The following DNAH10 variants were observed in gnomAD, a reference collection of about 807,000 sequenced individuals.
The protein encoded by DNAH10 is dynein axonemal heavy chain 10.
DNAH10 carries 348 observed loss-of-function variants against 506.6 expected under a neutral mutation model. That is an observed-to-expected ratio of 0.69 (90% CI 0.63 to 0.75). The LOEUF (loss-of-function observed/expected upper bound fraction) is 0.75, where lower values mean the gene tolerates loss of function less well. DNAH10 is among the 30% of genes least tolerant of loss of function. DNAH10 has a pLI of 0.00. For missense variants in DNAH10, 5,179 were observed against 5,787.1 expected (o/e 0.89, Z 3.41); for synonymous variants, 2,059 against 2,198.6 (o/e 0.94, Z 1.78).
chr12:123,928,663 G>A lies in DNAH10; in HGVS notation c.12306+76G>A. The A allele has an allele frequency of 6.8e-7, 1 of 1,472,146 alleles. No homozygotes were observed. Among genetic ancestry groups the A allele is most frequent in the Non-Finnish European group, 9.1e-7 (1 of 1,094,986 alleles). The allele number at this position is 1,472,146 out of a possible 1,614,324, so 91.2% of individuals were successfully genotyped here. A position where few individuals can be genotyped will look rare whatever the true frequency, so the allele number is the denominator to read the frequency against. On this transcript the variant is annotated intron_variant, in intron 70 of 78. Coordinates refer to ENST00000673944, the MANE Select transcript of DNAH10 (RefSeq NM_001372106.1). The surrounding 1 kb of genome is among the most constrained non-coding windows in gnomAD (Gnocchi z 4.9). Reference sequence around the variant, plus strand: ...ACCTGCATGCTGCTCTGGGGCCGGGGTGTGCCTTTGTCTGTGTAGAAATAA... The same window carrying A: ...ACCTGCATGCTGCTCTGGGGCCGGGATGTGCCTTTGTCTGTGTAGAAATAA...
intron 5 of DNAH10, among the ~76,000 whole-genome samples, chr12:123,776,953 C>A (rs193271743): frequency 6.6e-6 from 1 of 152,012 alleles, no homozygotes; most frequent in Non-Finnish European, 1.5e-5. Context: ...AAAATGAAGC[C>A]AGATAGGAAA....
At position 123,793,915 on chromosome 12, in the gene DNAH10, A is replaced by C. The variant is rs79198196; in HGVS notation, c.1816-27A>C. On this transcript the variant is annotated intron_variant, in intron 11 of 78. Coordinates refer to ENST00000673944, the MANE Select transcript of DNAH10 (RefSeq NM_001372106.1). ...TTGGCAGGATAATTACAGGGGCATG[A>C]GGGTTGTTTTGTTGATTTTTTTGCA... The C allele has an allele frequency of 9.0e-4, 1,065 of 1,178,788 alleles. 5 individuals are homozygous for C. The African/African-American group carries it at 0.015, about 17-fold the overall frequency. 73.0% of individuals were successfully genotyped at this position (1,178,788 alleles called of 1,614,324 possible).
At chr12:123,859,071 G>A in intron 37 of DNAH10, 79 bp from the exon 38 acceptor site, 2 of 1,282,400 alleles carry the variant, frequency 1.6e-6, no homozygotes, top group Non-Finnish European at 2.2e-6. Context: ...AAATTGTATG[G>A]CGTGTGTGTT....
rs1048520244 is a variant in DNAH10, at chr12:123,902,224, C to T, written c.9641-715C>T. ...TTGGATTTAGGGCCCACCCTCACCC[C>T]GTATGACCTAATCTTAACTAATTCC... On this transcript the variant is annotated intron_variant, in intron 56 of 78. Coordinates refer to ENST00000673944, the MANE Select transcript of DNAH10 (RefSeq NM_001372106.1). This position sits in a 1 kb window ranked among gnomAD's most constrained non-coding sequence, Gnocchi z 4.5. Among the ~76,000 whole-genome samples, 8 of 152,124 alleles carry T rather than the reference C, an allele frequency of 5.3e-5. No homozygotes were observed. Among genetic ancestry groups the T allele is most frequent in the African/African-American group, 1.7e-4 (7 of 41,426 alleles).
rs554691731 is a variant in DNAH10, at chr12:123,907,844, G to A, written c.9816-1417G>A. Among the ~76,000 whole-genome samples, 3 of 152,298 alleles carry A rather than the reference G, an allele frequency of 2.0e-5. No individual in the cohort carries two copies. The highest frequency in any genetic ancestry group is 1.3e-4 in the Admixed American group (2 of 15,304). ...GCTTTCCTAAGCAGCCAACACCAGC[G>A]TGATCGAGCCTTTTCCCGGGGACTC... is the stretch of plus-strand genomic sequence containing the variant. On this transcript the variant is annotated intron_variant, in intron 57 of 78. Transcript: ENST00000673944. This position sits in a 1 kb window ranked among gnomAD's most constrained non-coding sequence, Gnocchi z 4.4.
intron 19 of DNAH10, among the ~76,000 whole-genome samples, chr12:123,810,641 C>T (rs59319788): frequency 1.4e-3 from 218 of 151,802 alleles, no homozygotes; most frequent in African/African-American, 5.0e-3. Flanking sequence ...TGCAGCGAGC[C>T]GAGATCGCAC....
chr12:123,914,380 G>T lies in DNAH10; in HGVS notation c.10404G>T (p.Gly3468=), dbSNP rs1270700957. 1.9e-6 allele frequency: 3 copies of T among 1,613,458 alleles called. No homozygotes were observed. In the East Asian group the frequency reaches 6.7e-5, roughly 36 times the overall value. Residue 3468 remains glycine, a synonymous_variant, in exon 61 of 79, where the codon GGG becomes GGT. Transcript: ENST00000673944. ...TGCACCGGCGCGTGAAGCTGCTGGG[G>T]GACTGCCTGCTCTGCGCGGCTTTCC... The part of the protein sequence containing the change: ...ELMHRRVKLL[G]DCLLCAAFLS...
intron 73 of DNAH10, 147 bp downstream of exon 73, chr12:123,930,720 T>C (rs1175298974): frequency 5.3e-6 from 4 of 753,738 alleles, no homozygotes; most frequent in Admixed American, 6.9e-5. Context: ...AGACGCTTCC[T>C]GGCTGCAGAG....
intron 54 of DNAH10, among the ~76,000 whole-genome samples, chr12:123,896,684 AAGGAATTAGGTAACAG>A (rs1953261927): frequency 6.6e-6 from 1 of 150,618 alleles, no homozygotes; most frequent in Non-Finnish European, 1.5e-5. Flanking sequence ...AACAGTAGGG[AAGGAATTAGGTAACAG>A]AGTGAGACCC....
chr12:123,836,402 C>T (rs1436123421), intron 28 of DNAH10, among the ~76,000 whole-genome samples: 4 of 152,158 alleles, frequency 2.6e-5, no homozygotes, highest in Non-Finnish European at 5.9e-5. Flanking sequence ...TGTACAGGTT[C>T]TTGCCTAATG....
Position 123,830,951 on chromosome 12 carries a change from AAAAC to A in DNAH10, c.4545+260_4545+263del, listed in dbSNP as rs1960481782. Among the ~76,000 whole-genome samples the A allele has an allele frequency of 2.0e-5, 3 of 152,292 alleles. No individual in the cohort carries two copies. In the South Asian group the frequency reaches 6.2e-4, roughly 32 times the overall value. On this transcript the variant is annotated intron_variant, in intron 26 of 78. Transcript: ENST00000673944. ...GGGTGAGACCTTGTCTCAAAGAAGAAAAACAAACAAAAAAGAGAAAACATATTTG... is the reference window on the plus strand; with the variant it reads ...GGGTGAGACCTTGTCTCAAAGAAGAAAAACAAAAAAGAGAAAACATATTTG...
intron 1 of DNAH10, among the ~76,000 whole-genome samples, chr12:123,763,713 G>C (rs897840666): frequency 4.6e-5 from 7 of 150,706 alleles, no homozygotes; most frequent in African/African-American, 1.5e-4. Flanking sequence ...ACAGGTATGC[G>C]TCACCATGCC....
In DNAH10 at chr12:123,813,876, G is replaced by A; in HGVS notation, c.3744G>A (p.Gln1248=). The A allele has an allele frequency of 1.9e-6, 3 of 1,609,176 alleles. No homozygotes were observed. The highest frequency in any genetic ancestry group is 1.7e-6 in the Non-Finnish European group (2 of 1,178,896). The change falls in exon 21 of 79, where the codon CAG becomes CAA. Residue 1248 remains glutamine (Q), a synonymous_variant. Transcript: ENST00000673944. ...TGGAACTCAGATATAGGGACGTCCAGGAGCGATACCGTACCATGGCAATGT... is the reference window on the plus strand; with the variant it reads ...TGGAACTCAGATATAGGGACGTCCAAGAGCGATACCGTACCATGGCAATGT... ...LVMELRYRDV[Q]ERYRTMAMYN... is the part of the protein sequence containing the mutation.
intron 54 of DNAH10, among the ~76,000 whole-genome samples, chr12:123,896,585 C>T (rs1953256275): frequency 6.6e-6 from 1 of 152,048 alleles, no homozygotes; most frequent in Non-Finnish European, 1.5e-5. Flanking sequence ...AGGGGAGCAA[C>T]AGGGCAGAGT....
intron 39 of DNAH10, among the ~76,000 whole-genome samples, chr12:123,863,107 G>GA (rs903998127): frequency 7.2e-5 from 11 of 151,912 alleles, no homozygotes; most frequent in African/African-American, 2.2e-4. Context: ...GTTAATCCTG[G>GA]AAAAAAAAGA....
At chr12:123,893,771 G>A (rs1449369920) in intron 53 of DNAH10, among the ~76,000 whole-genome samples, 1 of 152,208 alleles carries the variant, frequency 6.6e-6, no homozygotes, top group African/African-American at 2.4e-5. Flanking sequence ...GCGGGGCAGG[G>A]GCGGGGGAGG....
At chr12:123,824,532 T>C (rs1460592698) in intron 24 of DNAH10, among the ~76,000 whole-genome samples, 1 of 152,098 alleles carries the variant, frequency 6.6e-6, no homozygotes, top group Non-Finnish European at 1.5e-5. Context: ...TATGAATACA[T>C]GGTTGTGAAT....
At chr12:123,844,263 G>T (rs1258167487) in intron 30 of DNAH10, among the ~76,000 whole-genome samples, 1 of 152,152 alleles carries the variant, frequency 6.6e-6, no homozygotes, top group Non-Finnish European at 1.5e-5. Context: ...CTCCCACCAG[G>T]TCCTTCCCTC....
chr12:123,924,699 C>T (rs1433215217), intron 67 of DNAH10, among the ~76,000 whole-genome samples: 1 of 151,718 alleles, frequency 6.6e-6, no homozygotes, highest in Non-Finnish European at 1.5e-5. Flanking sequence ...CCGACCCATT[C>T]ATCTACCCAT....
Sources: gnomAD v4.1 joint callset for allele counts (sites outside exome capture counted in the v4.1 genomes callset) on GRCh38, gnomAD v4.1.1 for gene constraint, Gnocchi (gnomAD v3.1) non-coding constraint, MANE v1.5 for transcripts, NCBI Gene and HGNC (gene_info 2026-07-23, HGNC 2026-07-21) for gene names.